ARHGAP26: variants seen among roughly 807,000 people sequenced by gnomAD.
The protein encoded by ARHGAP26 is Rho GTPase activating protein 26.
Under a neutral mutation model 104.8 loss-of-function variants are expected in ARHGAP26, and 38 were observed. The ratio of observed to expected loss-of-function variants is 0.36; its 90% CI spans 0.28 to 0.48. The LOEUF (loss-of-function observed/expected upper bound fraction) is 0.48, where lower values mean the gene tolerates loss of function less well. Among genes scored for constraint, ARHGAP26 ranks in the 20% least tolerant of loss-of-function variants. The pLI, the probability that ARHGAP26 is intolerant of heterozygous loss-of-function variation, is 0.99. For missense variants in ARHGAP26, 704 were observed against 947.9 expected, an observed-to-expected ratio of 0.74 and a Z score of 3.38; for synonymous variants, 341 against 340.0, an observed-to-expected ratio of 1.00 and a Z score of -0.03.
chr5:143,195,139 TTCTC>T lies in ARHGAP26; in HGVS notation c.1989-12053_1989-12050del, dbSNP rs957949432. On this transcript the variant is annotated intron_variant, in intron 20 of 22. Transcript: ENST00000645722. ...CCTTTTCATCAAAGTTCATCTCTCTTTCTCTCTCTGTCTCATCTGCCTTTCATGG... is the reference window on the plus strand; with the variant it reads ...CCTTTTCATCAAAGTTCATCTCTCTTTCTCTGTCTCATCTGCCTTTCATGG... 2.0e-5 allele frequency among the ~76,000 whole-genome samples: 3 copies of T among 152,186 alleles called. No homozygotes were observed. In the East Asian group the frequency reaches 5.8e-4, roughly 29 times the overall value.
intron 11 of ARHGAP26, among the ~76,000 whole-genome samples, chr5:142,935,794 C>T (rs1465012220): frequency 6.6e-6 from 1 of 152,162 alleles, no homozygotes; most frequent in Non-Finnish European, 1.5e-5. Context: ...AGCACAGTTT[C>T]TACTTACTCT....
intron 14 of ARHGAP26, among the ~76,000 whole-genome samples, chr5:143,048,816 A>G (rs1003688559): frequency 6.7e-6 from 1 of 150,290 alleles, no homozygotes; most frequent in African/African-American, 2.4e-5. Context: ...CAGGAGGCTG[A>G]GGCAGGAGAA....
At chr5:142,974,769 G>T (rs1371466707) in intron 11 of ARHGAP26, among the ~76,000 whole-genome samples, 1 of 152,144 alleles carries the variant, frequency 6.6e-6, no homozygotes, top group African/African-American at 2.4e-5. Context: ...TACATTTTTG[G>T]AAAGATTTTT....
intron 22 of ARHGAP26, among the ~76,000 whole-genome samples, chr5:143,219,365 A>G (rs994791848): frequency 6.6e-6 from 1 of 152,250 alleles, no homozygotes; most frequent in Admixed American, 6.5e-5. Context: ...TATCATTATA[A>G]TTCACGAGGC....
Position 143,047,872 on chromosome 5 carries a change from G to A in ARHGAP26, c.1285+5982G>A, listed in dbSNP as rs146246369. Among the ~76,000 whole-genome samples the A allele has an allele frequency of 7.8e-3, 1,183 of 151,916 alleles. 12 individuals carry two copies. Among genetic ancestry groups the A allele is most frequent in the African/African-American group, 0.025 (1,024 of 41,418 alleles). ...TCCGCTCTGTTGCCCAGGCTGGAGTGCAGTGGCTAAGTGTTGGCTCACTGC... is the reference window on the plus strand; with the variant it reads ...TCCGCTCTGTTGCCCAGGCTGGAGTACAGTGGCTAAGTGTTGGCTCACTGC... On this transcript the variant is annotated intron_variant, in intron 14 of 22. Transcript: ENST00000645722.
rs987907863 is a variant in ARHGAP26, at chr5:143,227,249, G to T, written c.*4803G>T. On this transcript the variant is annotated 3_prime_UTR_variant, in exon 23 of 23. Transcript: ENST00000645722. The stretch of plus-strand genomic sequence containing the variant: ...CATGTTCCCCAAGTAGGTAGCCAGC[G>T]CTGCAGAAACCAAACAGCCTCTTAG... The T allele has an allele frequency of 2.2e-5, 5 of 229,516 alleles. No homozygotes were observed. The highest frequency in any genetic ancestry group is 4.3e-5 in the Non-Finnish European group (5 of 115,894). 14.2% of individuals were successfully genotyped at this position (229,516 alleles called of 1,614,324 possible).
At position 142,916,790 on chromosome 5, in the gene ARHGAP26, G is replaced by A. The variant is rs191659698; in HGVS notation, c.1028+3497G>A. On this transcript the variant is annotated intron_variant, in intron 10 of 22. Coordinates refer to ENST00000645722, the MANE Select transcript of ARHGAP26 (RefSeq NM_001135608.3). ...CAATAAAACCCCTGCCTTTTTAAAG[G>A]ATGTGAAAATGGAGGAGGAGTGAGG... 2.5e-4 allele frequency among the ~76,000 whole-genome samples: 38 copies of A among 152,262 alleles called. 2 individuals carry two copies. In the East Asian group the frequency reaches 6.7e-3, roughly 27 times the overall value.
At chr5:142,800,930 T>G (rs1369654984) in intron 1 of ARHGAP26, among the ~76,000 whole-genome samples, 1 of 152,188 alleles carries the variant, frequency 6.6e-6, no homozygotes, top group Non-Finnish European at 1.5e-5. Context: ...AGAAGGTATC[T>G]AAACCTCCAC....
At chr5:143,098,271 A>G (rs1792702824) in intron 17 of ARHGAP26, among the ~76,000 whole-genome samples, 2 of 152,342 alleles carry the variant, frequency 1.3e-5, no homozygotes, top group Admixed American at 6.5e-5. Context: ...TAACTGTTAA[A>G]TGGTATTTTA....
intron 20 of ARHGAP26, among the ~76,000 whole-genome samples, chr5:143,180,282 C>T (rs896021707): frequency 3.9e-5 from 6 of 152,128 alleles, no homozygotes; most frequent in African/African-American, 1.4e-4. Context: ...CACACCACCA[C>T]ACCCAGCTAA....
rs1025187519 is a variant in ARHGAP26, at chr5:142,907,897, T to G, written c.933+93T>G. On this transcript the variant is annotated intron_variant, in intron 9 of 22. Coordinates refer to ENST00000645722, the MANE Select transcript of ARHGAP26 (RefSeq NM_001135608.3). Reference sequence around the variant, plus strand: ...TAAAGTAACACCTCCAGTGTTATATTTATGTTTCATCATAAATTTAAAATT... The same window carrying G: ...TAAAGTAACACCTCCAGTGTTATATGTATGTTTCATCATAAATTTAAAATT... 3 of 718,904 alleles carry G rather than the reference T, an allele frequency of 4.2e-6. No homozygotes were observed. In the African/African-American group the frequency reaches 5.6e-5, roughly 13 times the overall value. 44.5% of individuals were successfully genotyped at this position (718,904 alleles called of 1,614,324 possible).
At chr5:142,975,030 G>A (rs1321658842) in intron 11 of ARHGAP26, among the ~76,000 whole-genome samples, 2 of 152,124 alleles carry the variant, frequency 1.3e-5, no homozygotes, top group Admixed American at 6.6e-5. Context: ...CTTGTCTGAC[G>A]TGGTACATCC....
At chr5:142,964,601 T>C (rs1005528248) in intron 11 of ARHGAP26, among the ~76,000 whole-genome samples, 2 of 151,742 alleles carry the variant, frequency 1.3e-5, no homozygotes, top group African/African-American at 4.8e-5. Context: ...AAAAAACCGA[T>C]GTTAAGAACT....
At chr5:142,886,623 T>C (rs181144493) in intron 5 of ARHGAP26, among the ~76,000 whole-genome samples, 2 of 152,194 alleles carry the variant, frequency 1.3e-5, no homozygotes, top group East Asian at 1.9e-4. Flanking sequence ...ATCTTGTGCC[T>C]GAGTAGGGAA....
intron 14 of ARHGAP26, among the ~76,000 whole-genome samples, chr5:143,051,583 C>T (rs1785032496): frequency 6.6e-6 from 1 of 152,162 alleles, no homozygotes; most frequent in South Asian, 2.1e-4. Flanking sequence ...AAATCAGCAG[C>T]ACTTTCTGAA....
rs1445122369 is a variant in ARHGAP26 at position 142,770,916 on chromosome 5, G to A, written c.154+1G>A. 6.2e-7 allele frequency: 1 copy of A among 1,605,582 alleles called. No homozygotes were observed. The highest frequency in any genetic ancestry group is 2.3e-5 in the East Asian group (1 of 43,784). On this transcript the variant is annotated splice_donor_variant, in intron 1 of 22. Coordinates refer to ENST00000645722, the MANE Select transcript of ARHGAP26 (RefSeq NM_001135608.3). LOFTEE classifies it high-confidence loss of function. The stretch of plus-strand genomic sequence containing the variant: ...AAGTCACTCATAAGCGCGCTCAAGA[G>A]TGAGTGTCCCGAGCCCCTCGGGGAC...
intron 19 of ARHGAP26, among the ~76,000 whole-genome samples, chr5:143,142,234 G>T (rs933330054): frequency 6.9e-6 from 1 of 144,430 alleles, no homozygotes; most frequent in Non-Finnish European, 1.5e-5. Flanking sequence ...CGCCTCCCGG[G>T]TTCAAGTGAT....
At position 143,224,420 on chromosome 5, in the gene ARHGAP26, T is replaced by C; in HGVS notation, c.*1974T>C. ...ATCCCTTGGGCTTTGGATTTGGAGA[T>C]GGGAAGAGCATCTCCAGGCAATGAG... On this transcript the variant is annotated 3_prime_UTR_variant, in exon 23 of 23. Coordinates refer to ENST00000645722, the MANE Select transcript of ARHGAP26 (RefSeq NM_001135608.3). 1 of 228,684 alleles carries C rather than the reference T, an allele frequency of 4.4e-6. No individual in the cohort carries two copies. The highest frequency in any genetic ancestry group is 6.3e-5 in the East Asian group (1 of 15,992). 14.2% of individuals were successfully genotyped at this position (228,684 alleles called of 1,614,324 possible).
chr5:142,801,007 G>A (rs1016768604), intron 1 of ARHGAP26, among the ~76,000 whole-genome samples: 11 of 152,222 alleles, frequency 7.2e-5, no homozygotes, highest in African/African-American at 2.7e-4. Context: ...GGGCAAGAGT[G>A]TGTGTGTTTG....
Sources: gnomAD v4.1 joint callset for allele counts (sites outside exome capture counted in the v4.1 genomes callset) on GRCh38, gnomAD v4.1.1 for gene constraint, MANE v1.5 for transcripts, NCBI Gene and HGNC (gene_info 2026-07-23, HGNC 2026-07-21) for gene names.